ATP8A2: variants seen among roughly 807,000 people sequenced by gnomAD.
The protein encoded by ATP8A2 is ATPase phospholipid transporting 8A2.
Under a neutral mutation model 165.6 loss-of-function variants are expected in ATP8A2, and 100 were observed. The observed-to-expected ratio is 0.60, with a 90% CI of 0.51 to 0.71. ATP8A2 has a LOEUF of 0.71. Among genes scored for constraint, ATP8A2 ranks in the 30% least tolerant of loss-of-function variants. The pLI is 0.00. For missense variants in ATP8A2, 1,227 were observed against 1,479.5 expected (o/e 0.83, Z 2.80); for synonymous variants, 543 against 548.8 (o/e 0.99, Z 0.15).
At chr13:25,740,942 C>T (rs185123482) in intron 25 of ATP8A2, among the ~76,000 whole-genome samples, 38 of 152,238 alleles carry the variant, frequency 2.5e-4, no homozygotes, top group South Asian at 8.3e-4. Context: ...CAATGGAAGC[C>T]AATCATTTAA....
intron 36 of ATP8A2, among the ~76,000 whole-genome samples, chr13:26,018,542 T>G (rs1421604223): frequency 6.6e-6 from 1 of 152,192 alleles, no homozygotes; most frequent in Non-Finnish European, 1.5e-5. Context: ...GATTGTCAGG[T>G]TTTTTTATTG....
intron 24 of ATP8A2, among the ~76,000 whole-genome samples, chr13:25,652,484 C>T (rs2041836119): frequency 6.6e-6 from 1 of 152,120 alleles, no homozygotes; most frequent in Non-Finnish European, 1.5e-5. Flanking sequence ...CCTCCCTCTT[C>T]CTTATTCTTA....
intron 33 of ATP8A2, among the ~76,000 whole-genome samples, chr13:25,873,528 T>C (rs1175954855): frequency 1.3e-5 from 2 of 152,218 alleles, no homozygotes; most frequent in African/African-American, 4.8e-5. Flanking sequence ...GATTATTATT[T>C]AATGTCTAAG....
intron 24 of ATP8A2, among the ~76,000 whole-genome samples, chr13:25,592,875 G>T (rs1301375539): frequency 6.6e-6 from 1 of 152,172 alleles, no homozygotes; most frequent in Admixed American, 6.5e-5. Context: ...AACCTTCTAA[G>T]AATGATTCTT....
chr13:25,535,257 A>C (rs1387579450), intron 6 of ATP8A2, among the ~76,000 whole-genome samples: 12 of 152,182 alleles, frequency 7.9e-5, no homozygotes, highest in Non-Finnish European at 2.9e-5. Flanking sequence ...AATGATAATA[A>C]TCTAATCTGA....
At chr13:25,701,723 AACACACACACACACACACAC>A (rs71077495) in intron 25 of ATP8A2, among the ~76,000 whole-genome samples, 2 of 140,482 alleles carry the variant, frequency 1.4e-5, no homozygotes, top group East Asian at 2.2e-4. Context: ...TTGATACTAA[AACACACACACACACACACAC>A]ACACACACAC....
intron 33 of ATP8A2, among the ~76,000 whole-genome samples, chr13:25,907,121 T>G (rs1953962314): frequency 6.6e-6 from 1 of 152,132 alleles, no homozygotes; most frequent in Non-Finnish European, 1.5e-5. Flanking sequence ...TCCCAGCTAC[T>G]CCGGAGGCTG....
chr13:26,013,893 T>C (rs1956905747), intron 36 of ATP8A2, among the ~76,000 whole-genome samples: 1 of 152,130 alleles, frequency 6.6e-6, no homozygotes, highest in Non-Finnish European at 1.5e-5. Context: ...GAATATCGTA[T>C]GGGAAGAAGG....
rs79083305 is a variant in ATP8A2, at chr13:25,983,547, A to G, written c.3377+14868A>G. 6.3e-3 allele frequency among the ~76,000 whole-genome samples: 967 copies of G among 152,310 alleles called. 7 individuals are homozygous for G. The highest frequency in any genetic ancestry group is 0.022 in the African/African-American group (910 of 41,566). On this transcript the variant is annotated intron_variant, in intron 35 of 36. Coordinates refer to ENST00000381655, the MANE Select transcript of ATP8A2 (RefSeq NM_016529.6). ...ATCCTGTTGTAGAGAATTATGTTCT[A>G]AAAGTACATTTCCTTTATAGAACCT... is the stretch of plus-strand genomic sequence containing the variant.
chr13:25,501,287 G>A (rs1160822639), intron 2 of ATP8A2, among the ~76,000 whole-genome samples: 1 of 152,224 alleles, frequency 6.6e-6, no homozygotes, highest in Non-Finnish European at 1.5e-5. Flanking sequence ...AGGTGGCTTA[G>A]GAAGCGTGGA....
chr13:25,798,684 T>C (rs2138442110), intron 27 of ATP8A2, among the ~76,000 whole-genome samples: 1 of 152,302 alleles, frequency 6.6e-6, no homozygotes, highest in South Asian at 2.1e-4. Flanking sequence ...ACATGAATTT[T>C]GCAGTGCAGA....
intron 33 of ATP8A2, among the ~76,000 whole-genome samples, chr13:25,954,609 A>G (rs931857600): frequency 1.3e-5 from 2 of 152,172 alleles, no homozygotes; most frequent in African/African-American, 4.8e-5. Flanking sequence ...CATACAAGAG[A>G]GCTCTGACTG....
At chr13:25,517,696 G>A (rs2037526137) in intron 2 of ATP8A2, among the ~76,000 whole-genome samples, 1 of 152,188 alleles carries the variant, frequency 6.6e-6, no homozygotes, top group South Asian at 2.1e-4. Flanking sequence ...TGCATTCTGG[G>A]AACAGGCTAT....
chr13:25,779,419 G>T (rs1432995041), intron 27 of ATP8A2, among the ~76,000 whole-genome samples: 2 of 151,966 alleles, frequency 1.3e-5, no homozygotes, highest in African/African-American at 4.8e-5. Context: ...GCAGGGGGGC[G>T]GTGTGTATTC....
intron 24 of ATP8A2, among the ~76,000 whole-genome samples, chr13:25,676,645 T>C (rs2042378365): frequency 1.3e-5 from 2 of 152,234 alleles, no homozygotes; most frequent in Admixed American, 1.3e-4. Flanking sequence ...GTTTGCCAAG[T>C]GGAAAGGAAA....
intron 33 of ATP8A2, among the ~76,000 whole-genome samples, chr13:25,946,404 G>A (rs960582577): frequency 7.2e-5 from 11 of 152,218 alleles, no homozygotes; most frequent in African/African-American, 2.7e-4. Context: ...CCACAAGCAA[G>A]AGAAGCCTGG....
intron 25 of ATP8A2, among the ~76,000 whole-genome samples, chr13:25,738,339 C>CA (rs2043827210): frequency 3.1e-5 from 1 of 31,868 alleles, no homozygotes; most frequent in Non-Finnish European, 7.0e-5. Flanking sequence ...TTGTGCCCCC[C>CA]TCCCCCCCCC....
intron 27 of ATP8A2, among the ~76,000 whole-genome samples, chr13:25,806,858 ACTAT>A (rs1950751685): frequency 1.3e-5 from 2 of 152,276 alleles, no homozygotes; most frequent in Admixed American, 1.3e-4. Context: ...GTCTTTTTTT[ACTAT>A]AACCATTCTG....
chr13:25,707,037 A>G (rs2043067628), intron 25 of ATP8A2, among the ~76,000 whole-genome samples: 1 of 152,196 alleles, frequency 6.6e-6, no homozygotes, highest in South Asian at 2.1e-4. Context: ...CCCAAAGCTT[A>G]AACACTGTTT....
Sources: allele counts gnomAD v4.1 joint callset (sites outside exome capture counted in the v4.1 genomes callset), GRCh38; gene constraint gnomAD v4.1.1; transcripts MANE v1.5; gene names NCBI Gene and HGNC (gene_info 2026-07-23, HGNC 2026-07-21).